Variants in LAMB4 observed in about 807,000 individuals in gnomAD.
The protein encoded by LAMB4 is laminin subunit beta-4.
LAMB4 carries 196 observed loss-of-function variants against 199.2 expected under a neutral mutation model. The observed-to-expected ratio is 0.98, with a 90% CI of 0.88 to 1.11. The LOEUF is 1.11. Ranked by LOEUF, LAMB4 falls within the 50% of genes least tolerant of loss-of-function variation. LAMB4 has a pLI of 0.00. For missense variants in LAMB4, 2,080 were observed against 2,171.2 expected, an observed-to-expected ratio of 0.96 and a Z score of 0.83; for synonymous variants, 744 against 770.6, an observed-to-expected ratio of 0.97 and a Z score of 0.57.
intron 29 of LAMB4, among the ~76,000 whole-genome samples, chr7:108,041,484 T>A (rs1244698731): frequency 1.3e-5 from 2 of 152,148 alleles, no homozygotes; most frequent in Non-Finnish European, 2.9e-5. Context: ...AGCAAAGACA[T>A]GGAATCAACC....
chr7:108,054,796 T>A (rs2035927896), intron 25 of LAMB4, among the ~76,000 whole-genome samples: 3 of 152,220 alleles, frequency 2.0e-5, no homozygotes, highest in Non-Finnish European at 4.4e-5. Flanking sequence ...AGATTCCACC[T>A]GTGGGCTGTA....
chr7:108,037,703 T>A, intron 29 of LAMB4, 108 bp from the exon 30 acceptor site: 3 of 772,022 alleles, frequency 3.9e-6, no homozygotes, highest in Non-Finnish European at 6.6e-6. Flanking sequence ...CACTTGATTA[T>A]GTGCCCCTAG....
intron 28 of LAMB4, among the ~76,000 whole-genome samples, chr7:108,047,566 G>T (rs1178695075): frequency 1.3e-5 from 2 of 152,090 alleles, no homozygotes; most frequent in Non-Finnish European, 2.9e-5. Context: ...TATGGGTAAG[G>T]CTTCCAGTCA....
intron 14 of LAMB4, among the ~76,000 whole-genome samples, chr7:108,086,384 C>T (rs1057444289): frequency 1.3e-5 from 2 of 152,090 alleles, no homozygotes; most frequent in African/African-American, 4.8e-5. Flanking sequence ...CACCTGAATC[C>T]CTGCTGTCAT....
chr7:108,034,514 T>C (rs1380507367), intron 30 of LAMB4, among the ~76,000 whole-genome samples, 168 bp from the exon 31 acceptor site: 2 of 152,162 alleles, frequency 1.3e-5, no homozygotes, highest in Non-Finnish European at 2.9e-5. Context: ...GAGAAATAGG[T>C]ATATTTAAAT....
intron 10 of LAMB4, 58 bp from the exon 11 acceptor site, chr7:108,098,640 A>G: frequency 7.0e-7 from 1 of 1,425,312 alleles, no homozygotes; most frequent in Admixed American, 2.1e-5. Context: ...AGCCTGAAAT[A>G]TAAGCACGGC....
In LAMB4 at chr7:108,049,316, G is replaced by A; in HGVS notation, c.4122+10C>T. On this transcript the variant is annotated intron_variant, in intron 27 of 33. Transcript: ENST00000388781. ...ACAAATGCTTTGACCTTACCATCATGAATATTTACCTTTTCATTCAATATT... is the reference window on the plus strand; with the variant it reads ...ACAAATGCTTTGACCTTACCATCATAAATATTTACCTTTTCATTCAATATT... 7.0e-7 allele frequency: 1 copy of A among 1,424,120 alleles called. No homozygotes were observed. Among genetic ancestry groups the A allele is most frequent in the Non-Finnish European group, 9.8e-7 (1 of 1,015,284 alleles). 88.2% of individuals were successfully genotyped at this position (1,424,120 alleles called of 1,614,324 possible).
In LAMB4 at chr7:108,107,763, C is replaced by T; in HGVS notation, c.459G>A (p.Trp153Ter). The T allele has an allele frequency of 1.9e-6, 3 of 1,613,340 alleles. No individual in the cohort carries two copies. The highest frequency in any genetic ancestry group is 2.5e-6 in the Non-Finnish European group (3 of 1,179,840). ...VERSTDYGHN[W>*]KVFKYFAKDC... ...CTTTTGCAAAATATTTGAACACTTT[C>T]CAGTTGTGTCCATAGTCTGTGGAAC... is the stretch of plus-strand genomic sequence containing the variant. The change falls in exon 6 of 34, where the codon TGG becomes TGA. Residue 153 changes from tryptophan (W) to a stop codon, truncating the protein, a stop_gained. Coordinates refer to ENST00000388781, the MANE Select transcript of LAMB4 (RefSeq NM_007356.3). LOFTEE classifies it high-confidence loss of function.
chr7:108,031,331 C>CAAAAAAAAAAAAAAAA (rs60572529), intron 31 of LAMB4, among the ~76,000 whole-genome samples: 10 of 14,508 alleles, frequency 6.9e-4, no homozygotes, highest in Admixed American at 2.1e-3. Context: ...TCAACAATAA[C>CAAAAAAAAAAAAAAAA]AAAAAAAAAA....
At chr7:108,021,481 G>T (rs1182683227), downstream of LAMB4, among the ~76,000 whole-genome samples, 3 of 152,114 alleles carry the variant, frequency 2.0e-5, no homozygotes, top group Admixed American at 6.6e-5. Context: ...AGGCCGAGGC[G>T]GGTGGATCAC....
In LAMB4 at chr7:108,107,412, C is replaced by T. The variant is rs76185317; in HGVS notation, c.591+219G>A. Among the ~76,000 whole-genome samples, 9 of 152,228 alleles carry T rather than the reference C, an allele frequency of 5.9e-5. No homozygotes were observed. The East Asian group carries it at 1.5e-3, about 26-fold the overall frequency. The stretch of plus-strand genomic sequence containing the variant: ...CATGGTGCCCCGTTTAAGTGTTATC[C>T]CATGCCCACCTTCAGCTGAGCACTC... On this transcript the variant is annotated intron_variant, in intron 6 of 33. Transcript: ENST00000388781.
intron 1 of LAMB4, among the ~76,000 whole-genome samples, chr7:108,124,470 A>G (rs2038709468): frequency 6.6e-6 from 1 of 152,186 alleles, no homozygotes; most frequent in Non-Finnish European, 1.5e-5. Flanking sequence ...TTGTATATAT[A>G]TACACATACA....
At chr7:108,044,003 A>G in intron 28 of LAMB4, 107 bp from the exon 29 acceptor site, 1 of 914,396 alleles carries the variant, frequency 1.1e-6, no homozygotes, top group Non-Finnish European at 1.6e-6. Context: ...GTCACTAAAA[A>G]CTAAATAAAA....
At chr7:108,106,666 G>T in intron 6 of LAMB4, 94 bp from the exon 7 acceptor site, 1 of 699,618 alleles carries the variant, frequency 1.4e-6, no homozygotes, top group South Asian at 1.8e-5. Context: ...CCAGGCCCAA[G>T]AAATCTTACC....
chr7:108,087,917 G>A (rs1350420711), intron 14 of LAMB4, among the ~76,000 whole-genome samples: 1 of 152,172 alleles, frequency 6.6e-6, no homozygotes, highest in African/African-American at 2.4e-5. Flanking sequence ...ATTCATGAGG[G>A]TAATAAGAGC....
chr7:108,048,158 CTTT>C (rs747991620), intron 27 of LAMB4, 47 bp from the exon 28 acceptor site: 13,988 of 449,374 alleles, frequency 0.031, no homozygotes, highest in Middle Eastern at 0.043. Flanking sequence ...GTTGTCAGAG[CTTT>C]TTTTTTTTTT....
intron 30 of LAMB4, among the ~76,000 whole-genome samples, chr7:108,036,081 C>A (rs1463319396): frequency 6.6e-6 from 1 of 151,988 alleles, no homozygotes; most frequent in East Asian, 1.9e-4. Context: ...TGGTCTCTAA[C>A]TCCTAGCCTC....
At position 108,056,078 on chromosome 7, in the gene LAMB4, T is replaced by A. The variant is rs188087298; in HGVS notation, c.3380-71A>T. On this transcript the variant is annotated intron_variant, in intron 24 of 33. Transcript: ENST00000388781. Reference sequence around the variant, plus strand: ...GTTGATGACTAACTCAAGAATCAGGTCTTTTCCTCTCTCCTGAAAATCTTC... The same window carrying A: ...GTTGATGACTAACTCAAGAATCAGGACTTTTCCTCTCTCCTGAAAATCTTC... 1.4e-3 allele frequency: 1,912 copies of A among 1,383,134 alleles called. 8 individuals are homozygous for A. Among genetic ancestry groups the A allele is most frequent in the Non-Finnish European group, 1.7e-3 (1,778 of 1,017,726 alleles). 85.7% of individuals were successfully genotyped at this position (1,383,134 alleles called of 1,614,324 possible).
At chr7:108,092,215 A>G in intron 13 of LAMB4, 122 bp downstream of exon 13, 2 of 707,332 alleles carry the variant, frequency 2.8e-6, no homozygotes, top group Non-Finnish European at 4.9e-6. Flanking sequence ...GCTGTAGTTA[A>G]TGTCTCAAGA....
Sources: allele counts gnomAD v4.1 joint callset (sites outside exome capture counted in the v4.1 genomes callset), GRCh38; gene constraint gnomAD v4.1.1; transcripts MANE v1.5; gene names NCBI Gene and HGNC (gene_info 2026-07-23, HGNC 2026-07-21).